FKBP15: variants seen among roughly 807,000 people sequenced by gnomAD.
FKBP15 encodes the protein FK506-binding protein 15.
Under a neutral mutation model 158.1 loss-of-function variants are expected in FKBP15, and 106 were observed. The ratio of observed to expected loss-of-function variants is 0.67; its 90% CI spans 0.57 to 0.79. FKBP15 has a LOEUF of 0.79. Among genes scored for constraint, FKBP15 ranks in the 30% least tolerant of loss-of-function variants. The probability of loss-of-function intolerance (pLI) is 0.00; values close to 1 mark genes in which losing one functional copy is unlikely to be tolerated. For missense variants in FKBP15, 1,287 were observed against 1,479.1 expected, an observed-to-expected ratio of 0.87 and a Z score of 2.13; for synonymous variants, 547 against 548.6, an observed-to-expected ratio of 1.00 and a Z score of 0.04.
Position 113,176,551 on chromosome 9 carries a change from C to G in FKBP15, c.2209G>C (p.Glu737Gln). Residue 737 changes from glutamate to glutamine, a missense_variant, in exon 21 of 28, where the codon GAG (glutamate) becomes CAG (glutamine). Transcript: ENST00000238256. The stretch of plus-strand genomic sequence containing the variant: ...GTAGAGCTTACCTTTTCCAAGGACT[C>G]CTTCTCAACTCGAAGGTCAGTCAGT... ...EELTDLRVEKESLEKNLSERK... is the reference protein window; with the variant it reads ...EELTDLRVEKQSLEKNLSERK... The G allele has an allele frequency of 6.4e-7, 1 of 1,556,918 alleles. No individual in the cohort carries two copies. Among genetic ancestry groups the G allele is most frequent in the Non-Finnish European group, 8.7e-7 (1 of 1,148,892 alleles).
chr9:113,217,089 AGATGGG>A (rs1282127002), intron 1 of FKBP15, among the ~76,000 whole-genome samples: 1 of 150,684 alleles, frequency 6.6e-6, no homozygotes, highest in Non-Finnish European at 1.5e-5. Flanking sequence ...TTTTTAGTAG[AGATGGG>A]GTTTCACCAC....
intron 15 of FKBP15, among the ~76,000 whole-genome samples, chr9:113,185,434 A>G (rs1301541490): frequency 6.6e-6 from 1 of 152,150 alleles, no homozygotes; most frequent in African/African-American, 2.4e-5. Flanking sequence ...CCAGATGGAG[A>G]AGGGCAGAGC....
intron 21 of FKBP15, among the ~76,000 whole-genome samples, 152 bp downstream of exon 21, chr9:113,176,385 G>A (rs1362412680): frequency 6.6e-6 from 1 of 152,176 alleles, no homozygotes; most frequent in Non-Finnish European, 1.5e-5. Flanking sequence ...TTCAATGTAT[G>A]AGATTAGAGC....
At position 113,184,631 on chromosome 9, in the gene FKBP15, C is replaced by T; in HGVS notation, c.1608+64G>A. The stretch of plus-strand genomic sequence containing the variant: ...AGGAAATCAAAGAAGAGTTTACCTA[C>T]AGTTCTGGCTGCTCCCTGTTTACAT... On this transcript the variant is annotated intron_variant, in intron 16 of 27. Transcript: ENST00000238256. This position sits in a 1 kb window ranked among gnomAD's most constrained non-coding sequence, Gnocchi z 4.5. 4 of 1,295,614 alleles carry T rather than the reference C, an allele frequency of 3.1e-6. No individual in the cohort carries two copies. The highest frequency in any genetic ancestry group is 4.4e-6 in the Non-Finnish European group (4 of 911,822). 80.3% of individuals were successfully genotyped at this position (1,295,614 alleles called of 1,614,324 possible).
intron 23 of FKBP15, 148 bp downstream of exon 23, chr9:113,173,304 GA>G (rs1830246660): frequency 1.3e-6 from 1 of 767,110 alleles, no homozygotes; most frequent in African/African-American, 1.8e-5. Context: ...ATAAGTATGT[GA>G]AAGATAACTG....
intron 1 of FKBP15, among the ~76,000 whole-genome samples, chr9:113,218,432 T>C (rs1831189608): frequency 6.8e-6 from 1 of 147,950 alleles, no homozygotes; most frequent in Non-Finnish European, 1.5e-5. Context: ...ATTTGTAAAA[T>C]GGGCATAGTA....
intron 9 of FKBP15, among the ~76,000 whole-genome samples, chr9:113,194,422 A>AAAAT (rs1166533781): frequency 1.3e-5 from 2 of 148,676 alleles, no homozygotes; most frequent in East Asian, 1.9e-4. Flanking sequence ...ATAATAATAA[A>AAAAT]AAATAAATAA....
rs756223670 is a variant in FKBP15, at chr9:113,186,373, T to A, written c.1384-10A>T. 3.3e-6 allele frequency: 5 copies of A among 1,521,876 alleles called. No individual in the cohort carries two copies. The allele number at this position is 1,521,876 out of a possible 1,614,324, so 94.3% of individuals were successfully genotyped here. On this transcript the variant is annotated splice_polypyrimidine_tract_variant and intron_variant, in intron 14 of 27. Transcript: ENST00000238256. Reference sequence around the variant, plus strand: ...GCATACCTGCATAGGGCTGAGAAACTGACGAGTTACCACTGGTTGATAAAA... The same window carrying A: ...GCATACCTGCATAGGGCTGAGAAACAGACGAGTTACCACTGGTTGATAAAA...
chr9:113,186,285 A>T lies in FKBP15; in HGVS notation c.1462T>A (p.Tyr488Asn). 6.4e-7 allele frequency: 1 copy of T among 1,569,592 alleles called. No homozygotes were observed. Among genetic ancestry groups the T allele is most frequent in the East Asian group, 2.4e-5 (1 of 42,482 alleles). ...TSQLQPVRPL[Y>N]PAPLSQPPHF... ...GGAGGCTGAGAGAGCGGTGCTGGGT[A>T]CAAAGGCCGAACGGGCTGCAGCTGG... Residue 488 changes from tyrosine (Y) to asparagine (N), a missense_variant, in exon 15 of 28, where the codon TAC becomes AAC. Coordinates refer to ENST00000238256, the MANE Select transcript of FKBP15 (RefSeq NM_015258.2).
In FKBP15 at chr9:113,165,071, A is replaced by AATC. The variant is rs1830077928; in HGVS notation, c.*1004_*1006dup. 6.6e-6 allele frequency: 1 copy of AATC among 152,186 alleles called. No individual in the cohort carries two copies. Among genetic ancestry groups the AATC allele is most frequent in the African/African-American group, 2.4e-5 (1 of 41,428 alleles). The allele number at this position is 152,186 out of a possible 1,614,324, so 9.4% of individuals were successfully genotyped here. A position where few individuals can be genotyped will look rare whatever the true frequency, so the allele number is the denominator to read the frequency against. ...CTGTTTTTTTAAAGACTGATTGCATAATCTTTGGAAGATCCTGGAATCAAG... is the reference window on the plus strand; with the variant it reads ...CTGTTTTTTTAAAGACTGATTGCATAATCATCTTTGGAAGATCCTGGAATCAAG... On this transcript the variant is annotated 3_prime_UTR_variant, in exon 28 of 28. Coordinates refer to ENST00000238256, the MANE Select transcript of FKBP15 (RefSeq NM_015258.2).
chr9:113,174,878 C>T lies in FKBP15; in HGVS notation c.2224-295G>A, dbSNP rs1226781584. ...GAGATCGAGACCATCCCGGCTAAAA[C>T]GGTGAAACCCCGTCTCTACTAAAAA... is the stretch of plus-strand genomic sequence containing the variant. On this transcript the variant is annotated intron_variant, in intron 21 of 27. Transcript: ENST00000238256. Among the ~76,000 whole-genome samples, 6 of 5,222 alleles carry T rather than the reference C, an allele frequency of 1.1e-3. 3 individuals carry two copies. Among genetic ancestry groups the T allele is most frequent in the Non-Finnish European group, 2.6e-3 (6 of 2,294 alleles). The allele number at this position is 5,222 out of a possible 152,430, so 3.4% of individuals were successfully genotyped here. A position where few individuals can be genotyped will look rare whatever the true frequency, so the allele number is the denominator to read the frequency against.
chr9:113,217,958 T>A (rs1831172910), intron 1 of FKBP15, among the ~76,000 whole-genome samples: 1 of 152,198 alleles, frequency 6.6e-6, no homozygotes, highest in Non-Finnish European at 1.5e-5. Flanking sequence ...AACTCTGGAC[T>A]TGAATCTATA....
chr9:113,164,500 C>CTAGT lies in FKBP15; in HGVS notation c.*1574_*1577dup, dbSNP rs1362927364. ...CGGGCAGAAGCAAATATAATAGCCA[C>CTAGT]TAGTTAATTTACAATAAGAAATAAC... On this transcript the variant is annotated 3_prime_UTR_variant, in exon 28 of 28. Coordinates refer to ENST00000238256, the MANE Select transcript of FKBP15 (RefSeq NM_015258.2). 1 of 152,264 alleles carries CTAGT rather than the reference C, an allele frequency of 6.6e-6. No individual in the cohort carries two copies. The highest frequency in any genetic ancestry group is 1.5e-5 in the Non-Finnish European group (1 of 68,048). 9.4% of individuals were successfully genotyped at this position (152,264 alleles called of 1,614,324 possible).
At chr9:113,167,699 C>A (rs1178704119) in intron 27 of FKBP15, among the ~76,000 whole-genome samples, 1 of 152,158 alleles carries the variant, frequency 6.6e-6, no homozygotes, top group Non-Finnish European at 1.5e-5. Flanking sequence ...ATGGACTGAG[C>A]CTGAAGCCCA....
intron 1 of FKBP15, among the ~76,000 whole-genome samples, chr9:113,219,282 A>T (rs1324161379): frequency 6.6e-6 from 1 of 152,232 alleles, no homozygotes; most frequent in African/African-American, 2.4e-5. Flanking sequence ...GAAATCAAGC[A>T]AATCATGTGT....
chr9:113,163,435 T>G lies in FKBP15; in HGVS notation c.*2643A>C, dbSNP rs1830049074. ...TTTCTGCCTTTGGAACACATGAAGA[T>G]CATCTCGTCTATGGATCATGTTGAC... On this transcript the variant is annotated 3_prime_UTR_variant, in exon 28 of 28. Transcript: ENST00000238256. The G allele has an allele frequency of 6.5e-6, 1 of 152,758 alleles. No homozygotes were observed. The highest frequency in any genetic ancestry group is 1.5e-5 in the Non-Finnish European group (1 of 68,128). 9.5% of individuals were successfully genotyped at this position (152,758 alleles called of 1,614,324 possible).
chr9:113,168,516 T>G lies in FKBP15; in HGVS notation c.3526A>C (p.Thr1176Pro). 1 of 1,613,960 alleles carries G rather than the reference T, an allele frequency of 6.2e-7. No homozygotes were observed. Among genetic ancestry groups the G allele is most frequent in the Non-Finnish European group, 8.5e-7 (1 of 1,179,862 alleles). Reference sequence around the variant, plus strand: ...GCTTTGGGCCTCAGAGCTTTCAGAGTTGCCCCTTTAAACAGTTCATCCTCT... The same window carrying G: ...GCTTTGGGCCTCAGAGCTTTCAGAGGTGCCCCTTTAAACAGTTCATCCTCT... ...DEEDELFKGA[T>P]LKALRPKAQP... The change falls in exon 27 of 28, where the codon ACT becomes CCT. Residue 1176 changes from threonine (T) to proline (P), a missense_variant. Thr to Pro is a conservative substitution (Grantham distance 38, BLOSUM62 -1). Transcript: ENST00000238256.
intron 1 of FKBP15, among the ~76,000 whole-genome samples, chr9:113,217,024 C>G (rs1461649102): frequency 1.3e-5 from 2 of 151,208 alleles, no homozygotes; most frequent in Non-Finnish European, 2.9e-5. Context: ...CTGCCTCAGC[C>G]TCCTGAGCAC....
chr9:113,192,982 G>A (rs1830603394), intron 11 of FKBP15, among the ~76,000 whole-genome samples: 1 of 152,034 alleles, frequency 6.6e-6, no homozygotes, highest in South Asian at 2.1e-4. Context: ...TAATAATCAC[G>A]GTGACCACTT....
Sources: gnomAD v4.1 joint callset for allele counts (sites outside exome capture counted in the v4.1 genomes callset) on GRCh38, gnomAD v4.1.1 for gene constraint, Gnocchi (gnomAD v3.1) non-coding constraint, MANE v1.5 for transcripts, NCBI Gene and HGNC (gene_info 2026-07-23, HGNC 2026-07-21) for gene names.